SIL1: variants seen among roughly 807,000 people sequenced by gnomAD.
The protein encoded by SIL1 is nucleotide exchange factor SIL1.
Under a neutral mutation model 49.1 loss-of-function variants are expected in SIL1, and 40 were observed. The ratio of observed to expected loss-of-function variants is 0.81; its 90% CI spans 0.63 to 1.06. The LOEUF is 1.06. SIL1 is among the 50% of genes least tolerant of loss of function. The pLI, the probability that SIL1 is intolerant of heterozygous loss-of-function variation, is 0.00. For missense variants in SIL1, 500 were observed against 572.6 expected (o/e 0.87, Z 1.29); for synonymous variants, 253 against 250.8 (o/e 1.01, Z -0.08).
chr5:139,055,731 G>A (rs1769397532), intron 3 of SIL1, among the ~76,000 whole-genome samples: 1 of 148,922 alleles, frequency 6.7e-6, no homozygotes, highest in African/African-American at 2.5e-5. Flanking sequence ...GCCGAAGCTG[G>A]ACTGTACTGC....
In SIL1 at chr5:139,138,892, C is replaced by T. The variant is rs1581128159; in HGVS notation, c.-10-11039G>A. Among the ~76,000 whole-genome samples, 3 of 152,224 alleles carry T rather than the reference C, an allele frequency of 2.0e-5. No individual in the cohort carries two copies. In the South Asian group the frequency reaches 6.2e-4, roughly 31 times the overall value. ...AGACTAGCTTCCCTGAGCCACAAGT[C>T]AGCCCACACACCTGGACTATACTCT... On this transcript the variant is annotated intron_variant, in intron 1 of 9. Transcript: ENST00000394817.
chr5:139,163,363 T>A (rs942580406), intron 1 of SIL1, among the ~76,000 whole-genome samples: 1 of 152,096 alleles, frequency 6.6e-6, no homozygotes, highest in Non-Finnish European at 1.5e-5. Context: ...ACTGTTTTGT[T>A]TTTTTTTCGG....
chr5:139,059,377 C>T (rs143928690), intron 3 of SIL1, among the ~76,000 whole-genome samples: 7 of 152,232 alleles, frequency 4.6e-5, no homozygotes, highest in Admixed American at 3.9e-4. Flanking sequence ...GATTGTAAGG[C>T]CCCACCGGCC....
At chr5:139,072,911 T>C (rs1256060480) in intron 3 of SIL1, among the ~76,000 whole-genome samples, 1 of 152,132 alleles carries the variant, frequency 6.6e-6, no homozygotes, top group Non-Finnish European at 1.5e-5. Flanking sequence ...AAATAGGCAG[T>C]TGCCAAAAGA....
chr5:138,992,185 A>G (rs1767774254), intron 7 of SIL1, among the ~76,000 whole-genome samples: 1 of 152,190 alleles, frequency 6.6e-6, no homozygotes, highest in South Asian at 2.1e-4. Context: ...CTCCCTCCCT[A>G]TCATTACCTA....
chr5:139,178,915 C>T (rs1026053523), intron 1 of SIL1, among the ~76,000 whole-genome samples: 8 of 152,050 alleles, frequency 5.3e-5, no homozygotes, highest in Non-Finnish European at 1.0e-4. Flanking sequence ...AGAAGGAAAA[C>T]GAAGCTGTAT....
At chr5:139,131,232 T>C (rs536302214) in intron 1 of SIL1, among the ~76,000 whole-genome samples, 58 of 152,336 alleles carry the variant, frequency 3.8e-4, no homozygotes, top group Admixed American at 2.0e-3. Flanking sequence ...GTTTACTCAA[T>C]TGAGGCTTAA....
intron 1 of SIL1, among the ~76,000 whole-genome samples, chr5:139,138,737 CA>C (rs1339481873): frequency 1.4e-4 from 21 of 152,166 alleles, no homozygotes; most frequent in African/African-American, 5.1e-4. Context: ...AATGAGGGCT[CA>C]TAAAGCTTAT....
intron 1 of SIL1, among the ~76,000 whole-genome samples, chr5:139,135,547 G>A (rs1263802146): frequency 6.6e-6 from 1 of 152,124 alleles, no homozygotes; most frequent in African/African-American, 2.4e-5. Flanking sequence ...CTGGGAATAG[G>A]CACCTGGAAG....
chr5:139,068,124 G>T (rs2150470568), intron 3 of SIL1, among the ~76,000 whole-genome samples: 1 of 152,258 alleles, frequency 6.6e-6, no homozygotes, highest in East Asian at 1.9e-4. Flanking sequence ...TGTTAATGTG[G>T]CAAAAGCAAC....
chr5:139,195,923 G>A (rs1752261059), intron 1 of SIL1, among the ~76,000 whole-genome samples: 1 of 152,178 alleles, frequency 6.6e-6, no homozygotes, highest in African/African-American at 2.4e-5. Context: ...AGTGGCTCAC[G>A]CCTGTAATCT....
At chr5:139,106,923 G>A (rs1308280213) in intron 3 of SIL1, among the ~76,000 whole-genome samples, 1 of 152,236 alleles carries the variant, frequency 6.6e-6, no homozygotes. Flanking sequence ...GAGCGTAGGG[G>A]TAGGCATCAC....
At position 139,051,189 on chromosome 5, in the gene SIL1, C is replaced by G. The variant is rs563566184; in HGVS notation, c.245-143G>C. On this transcript the variant is annotated intron_variant, in intron 3 of 9. Coordinates refer to ENST00000394817, the MANE Select transcript of SIL1 (RefSeq NM_022464.5). ...TTACCTCCTCAATCCACCCATCCCT[C>G]TCCCTTGAACACACACACCACTCGC... The G allele has an allele frequency of 6.3e-5, 45 of 718,808 alleles. No homozygotes were observed. The East Asian group carries it at 1.2e-3, about 19-fold the overall frequency. 44.5% of individuals were successfully genotyped at this position (718,808 alleles called of 1,614,324 possible).
At chr5:139,075,208 C>T (rs1485423383) in intron 3 of SIL1, among the ~76,000 whole-genome samples, 1 of 152,214 alleles carries the variant, frequency 6.6e-6, no homozygotes, top group Non-Finnish European at 1.5e-5. Context: ...TCTGAAAGCA[C>T]TATCCACAGA....
At chr5:138,994,254 G>GA (rs1245689014) in intron 7 of SIL1, among the ~76,000 whole-genome samples, 1 of 152,012 alleles carries the variant, frequency 6.6e-6, no homozygotes, top group African/African-American at 2.4e-5. Flanking sequence ...TAACATCCAA[G>GA]AAAAAATGTA....
At chr5:139,080,672 T>C (rs1420219580) in intron 3 of SIL1, among the ~76,000 whole-genome samples, 3 of 152,190 alleles carry the variant, frequency 2.0e-5, no homozygotes, top group Non-Finnish European at 2.9e-5. Context: ...CAGTACATGG[T>C]TAATCTCTAT....
chr5:138,951,356 G>A (rs1268810932), intron 8 of SIL1, 21 bp from the exon 9 acceptor site: 8 of 1,551,120 alleles, frequency 5.2e-6, no homozygotes, highest in Non-Finnish European at 5.2e-6. Context: ...AGACCCAGGG[G>A]TAGGTGAGGG....
chr5:138,946,844 G>A lies in SIL1; in HGVS notation c.*273C>T. The A allele has an allele frequency of 1.9e-6, 1 of 518,726 alleles. No individual in the cohort carries two copies. Among genetic ancestry groups the A allele is most frequent in the African/African-American group, 1.9e-5 (1 of 52,328 alleles). 32.1% of individuals were successfully genotyped at this position (518,726 alleles called of 1,614,324 possible). A position where few individuals can be genotyped will look rare whatever the true frequency, so the allele number is the denominator to read the frequency against. On this transcript the variant is annotated 3_prime_UTR_variant, in exon 10 of 10. Coordinates refer to ENST00000394817, the MANE Select transcript of SIL1 (RefSeq NM_022464.5). The stretch of plus-strand genomic sequence containing the variant: ...TAAGAAGCAGAGACTTGCAACTCCT[G>A]GGCCCAGGTTCCTGCCCTGGAGCCT...
chr5:139,092,760 A>G (rs1398820296), intron 3 of SIL1, among the ~76,000 whole-genome samples: 1 of 152,248 alleles, frequency 6.6e-6, no homozygotes, highest in African/African-American at 2.4e-5. Flanking sequence ...GACCTTGTTC[A>G]GGCCTCAAAT....
Sources: allele counts gnomAD v4.1 joint callset (sites outside exome capture counted in the v4.1 genomes callset), GRCh38; gene constraint gnomAD v4.1.1; transcripts MANE v1.5; gene names NCBI Gene and HGNC (gene_info 2026-07-23, HGNC 2026-07-21).